KDM1B: variants seen among roughly 807,000 people sequenced by gnomAD.
KDM1B encodes the protein lysine demethylase 1B, also known as lysine-specific histone demethylase 2.
A neutral mutation model predicts 107.4 loss-of-function variants in KDM1B; 63 were observed. The ratio of observed to expected loss-of-function variants is 0.59; its 90% CI spans 0.48 to 0.72. The LOEUF is 0.72. KDM1B is among the 30% of genes least tolerant of loss of function. The pLI is 0.00. For synonymous variants in KDM1B, 363 were observed against 363.9 expected (o/e 1.00, Z 0.03); for missense variants, 749 against 1,020.8 (o/e 0.73, Z 3.63).
intron 6 of KDM1B, 35 bp from the exon 7 acceptor site, chr6:18,171,328 C>A: frequency 9.9e-7 from 1 of 1,013,160 alleles, no homozygotes; most frequent in South Asian, 1.3e-5. Context: ...AAGATTAGCT[C>A]ACTTGTTCAT....
intron 7 of KDM1B, among the ~76,000 whole-genome samples, chr6:18,174,739 A>G (rs1389335995): frequency 2.6e-5 from 4 of 152,030 alleles, no homozygotes; most frequent in African/African-American, 9.7e-5. Flanking sequence ...GAGTTACTTC[A>G]CTTAGAATAA....
intron 16 of KDM1B, 53 bp downstream of exon 16, chr6:18,207,582 A>G: frequency 1.2e-6 from 2 of 1,608,210 alleles, no homozygotes; most frequent in Non-Finnish European, 1.7e-6. Context: ...GGAGGATGTG[A>G]AGTTCTGGGC....
At chr6:18,184,669 T>G (rs953167577) in intron 7 of KDM1B, among the ~76,000 whole-genome samples, 2 of 151,332 alleles carry the variant, frequency 1.3e-5, no homozygotes, top group African/African-American at 4.8e-5. Flanking sequence ...TGCCATTGTT[T>G]GACTATAATA....
At chr6:18,158,570 C>T (rs1784779842) in intron 2 of KDM1B, among the ~76,000 whole-genome samples, 4 of 152,178 alleles carry the variant, frequency 2.6e-5, no homozygotes, top group African/African-American at 9.6e-5. Flanking sequence ...CACTTTTCCA[C>T]TTTCAAATTC....
chr6:18,182,124 T>G (rs1281574164), intron 7 of KDM1B, among the ~76,000 whole-genome samples: 4 of 152,130 alleles, frequency 2.6e-5, no homozygotes, highest in Admixed American at 2.6e-4. Context: ...GGTGTCAGAT[T>G]CCTTACATTT....
At chr6:18,218,360 C>T (rs1020694041) in intron 21 of KDM1B, among the ~76,000 whole-genome samples, 5 of 152,040 alleles carry the variant, frequency 3.3e-5, no homozygotes, top group Admixed American at 6.5e-5. Context: ...TGGCCTTAAG[C>T]AGTCTTCCCA....
At chr6:18,157,407 C>A (rs1784692165) in intron 2 of KDM1B, among the ~76,000 whole-genome samples, 1 of 152,060 alleles carries the variant, frequency 6.6e-6, no homozygotes, top group Admixed American at 6.6e-5. Flanking sequence ...CATTAAGTAC[C>A]TATTTTCTAG....
In KDM1B at chr6:18,177,933, A is replaced by G. The variant is rs1238915868; in HGVS notation, c.534+6454A>G. 5.3e-5 allele frequency among the ~76,000 whole-genome samples: 8 copies of G among 152,060 alleles called. No individual in the cohort carries two copies. The East Asian group carries it at 1.5e-3, about 29-fold the overall frequency. Reference sequence around the variant, plus strand: ...TGTTTCCTGACCCCTTTTCTGACCCATGGGCATGGTATCTGTCTCCATCTT... The same window carrying G: ...TGTTTCCTGACCCCTTTTCTGACCCGTGGGCATGGTATCTGTCTCCATCTT... On this transcript the variant is annotated intron_variant, in intron 7 of 21. Coordinates refer to ENST00000650836, the MANE Select transcript of KDM1B (RefSeq NM_001364614.2).
chr6:18,181,605 G>C (rs75194173), intron 7 of KDM1B, among the ~76,000 whole-genome samples: 3,943 of 152,106 alleles, frequency 0.026, 67 homozygotes, highest in Non-Finnish European at 0.038. Context: ...AATTACCTGG[G>C]CCTGGTGACG....
At chr6:18,221,790 G>A (rs1789771895) in intron 21 of KDM1B, 119 bp from the exon 22 acceptor site, 2 of 775,174 alleles carry the variant, frequency 2.6e-6, no homozygotes, top group Non-Finnish European at 4.3e-6. Flanking sequence ...GTGTGAATAT[G>A]AGCACACAGG....
chr6:18,223,102 C>A lies in KDM1B; in HGVS notation c.*1110C>A, dbSNP rs1345558284. 6.6e-6 allele frequency: 1 copy of A among 152,404 alleles called. No homozygotes were observed. The highest frequency in any genetic ancestry group is 1.5e-5 in the Non-Finnish European group (1 of 68,002). 9.4% of individuals were successfully genotyped at this position (152,404 alleles called of 1,614,324 possible). A position where few individuals can be genotyped will look rare whatever the true frequency, so the allele number is the denominator to read the frequency against. On this transcript the variant is annotated 3_prime_UTR_variant, in exon 22 of 22. Transcript: ENST00000650836. ...TAAAATAAAACACTGGTTGCAGGGTCTTCAGGATGCCTATTTTGCCAAGAA... is the reference window on the plus strand; with the variant it reads ...TAAAATAAAACACTGGTTGCAGGGTATTCAGGATGCCTATTTTGCCAAGAA...
chr6:18,159,387 T>G lies in KDM1B; in HGVS notation c.-13-496T>G, dbSNP rs1340620757. ...TTTTCCTCATTGAATTTTATAAACA[T>G]AGTGTGGTTTGTTTATTGGTCATTC... On this transcript the variant is annotated intron_variant, in intron 2 of 21. Transcript: ENST00000650836. This position sits in a 1 kb window ranked among gnomAD's most constrained non-coding sequence, Gnocchi z 4.5. 1.3e-5 allele frequency among the ~76,000 whole-genome samples: 2 copies of G among 152,134 alleles called. No individual in the cohort carries two copies. The highest frequency in any genetic ancestry group is 2.9e-5 in the Non-Finnish European group (2 of 68,036).
intron 15 of KDM1B, among the ~76,000 whole-genome samples, chr6:18,206,073 G>C (rs1286236853): frequency 6.6e-6 from 1 of 151,946 alleles, no homozygotes; most frequent in Non-Finnish European, 1.5e-5. Context: ...AAACAGGAAA[G>C]AATGATTCTC....
At chr6:18,157,187 A>T (rs909676166) in intron 2 of KDM1B, among the ~76,000 whole-genome samples, 12 of 152,154 alleles carry the variant, frequency 7.9e-5, no homozygotes, top group Non-Finnish European at 1.5e-5. Context: ...TATACTAAAA[A>T]TTTTTTCTTC....
rs747183929 is a variant in KDM1B, at chr6:18,197,284, C to G, written c.1146+51C>G. The G allele has an allele frequency of 6.7e-7, 1 of 1,496,638 alleles. No homozygotes were observed. The highest frequency in any genetic ancestry group is 9.2e-7 in the Non-Finnish European group (1 of 1,089,088). The allele number at this position is 1,496,638 out of a possible 1,614,324, so 92.7% of individuals were successfully genotyped here. A position where few individuals can be genotyped will look rare whatever the true frequency, so the allele number is the denominator to read the frequency against. On this transcript the variant is annotated intron_variant, in intron 11 of 21. Coordinates refer to ENST00000650836, the MANE Select transcript of KDM1B (RefSeq NM_001364614.2). The surrounding 1 kb of genome is among the most constrained non-coding windows in gnomAD (Gnocchi z 4.5). Reference sequence around the variant, plus strand: ...GCCTTGCCATTGATCAGGACAAACGCTAGTCTGTTGCTGTTAATAAATATA... The same window carrying G: ...GCCTTGCCATTGATCAGGACAAACGGTAGTCTGTTGCTGTTAATAAATATA...
At position 18,190,009 on chromosome 6, in the gene KDM1B, G is replaced by GGT. The variant is rs563499427; in HGVS notation, c.785-1182_785-1181dup. Reference sequence around the variant, plus strand: ...AAAAAAATACACAAAAAATTAGCCAGGTGTGTGGTATGTGCCTGTAATCCC... The same window carrying GGT: ...AAAAAAATACACAAAAAATTAGCCAGGTGTGTGTGGTATGTGCCTGTAATCCC... On this transcript the variant is annotated intron_variant, in intron 9 of 21. Coordinates refer to ENST00000650836, the MANE Select transcript of KDM1B (RefSeq NM_001364614.2). Among the ~76,000 whole-genome samples the GGT allele has an allele frequency of 1.7e-3, 260 of 152,134 alleles. 1 individual carries two copies. The highest frequency in any genetic ancestry group is 5.6e-3 in the African/African-American group (231 of 41,492).
Position 18,199,054 on chromosome 6 carries a change from C to G in KDM1B, c.1222-1385C>G, listed in dbSNP as rs570929785. Among the ~76,000 whole-genome samples the G allele has an allele frequency of 2.0e-5, 3 of 150,142 alleles. No homozygotes were observed. The South Asian group carries it at 6.3e-4, about 32-fold the overall frequency. On this transcript the variant is annotated intron_variant, in intron 12 of 21. Coordinates refer to ENST00000650836, the MANE Select transcript of KDM1B (RefSeq NM_001364614.2). ...AAAAAGAAAAAAACAGAAAATTAGC[C>G]GGGCATGGTGGTATGCACCTGTGGC...
intron 3 of KDM1B, 79 bp from the exon 4 acceptor site, chr6:18,161,248 T>C: frequency 1.5e-6 from 2 of 1,348,004 alleles, no homozygotes; most frequent in Non-Finnish European, 2.1e-6. Flanking sequence ...AACTCAGCTG[T>C]GATTTCAGTA....
chr6:18,206,496 G>A (rs1788382484), intron 15 of KDM1B, among the ~76,000 whole-genome samples: 4 of 152,208 alleles, frequency 2.6e-5, no homozygotes, highest in African/African-American at 4.8e-5. Context: ...CTGCCTGGGC[G>A]ATAGAGTGAG....
Sources: allele counts gnomAD v4.1 joint callset (sites outside exome capture counted in the v4.1 genomes callset), GRCh38; gene constraint gnomAD v4.1.1; non-coding constraint Gnocchi (gnomAD v3.1); transcripts MANE v1.5; gene names NCBI Gene and HGNC (gene_info 2026-07-23, HGNC 2026-07-21).